LRBA: variants seen among roughly 807,000 people sequenced by gnomAD.
LRBA encodes the protein lipopolysaccharide-responsive and beige-like anchor protein.
A neutral mutation model predicts 330.0 loss-of-function variants in LRBA; 176 were observed. The observed-to-expected ratio is 0.53, with a 90% CI of 0.47 to 0.60. The LOEUF (loss-of-function observed/expected upper bound fraction) is 0.60. Ranked by LOEUF, LRBA falls within the 20% of genes least tolerant of loss-of-function variation. The probability of loss-of-function intolerance (pLI) is 0.00; values close to 1 mark genes in which losing one functional copy is unlikely to be tolerated. For synonymous variants in LRBA, 1,230 were observed against 1,193.0 expected (o/e 1.03, Z -0.64); for missense variants, 3,259 against 3,444.8 (o/e 0.95, Z 1.35).
intron 34 of LRBA, among the ~76,000 whole-genome samples, chr4:150,797,408 A>G (rs1740951459): frequency 6.6e-6 from 1 of 151,964 alleles, no homozygotes; most frequent in African/African-American, 2.4e-5. Flanking sequence ...ATCACTTTAA[A>G]AGACTACAAA....
chr4:150,441,811 A>G (rs1225827583), intron 44 of LRBA, among the ~76,000 whole-genome samples: 1 of 152,038 alleles, frequency 6.6e-6, no homozygotes, highest in East Asian at 1.9e-4. Context: ...TTGTATTACA[A>G]GTTGGTTTTC....
chr4:150,602,548 A>G (rs997494398), intron 37 of LRBA, among the ~76,000 whole-genome samples: 2 of 152,180 alleles, frequency 1.3e-5, no homozygotes. Flanking sequence ...CCAACAACAC[A>G]TACTCTCAGT....
intron 47 of LRBA, among the ~76,000 whole-genome samples, chr4:150,403,006 G>T (rs900309625): frequency 6.6e-6 from 1 of 152,026 alleles, no homozygotes; most frequent in Non-Finnish European, 1.5e-5. Flanking sequence ...AGAAATTTTC[G>T]TTTGAGATAC....
rs187991848 is a variant in LRBA, at chr4:150,857,930, A to C, written c.2767-4987T>G. Among the ~76,000 whole-genome samples, 400 of 152,328 alleles carry C rather than the reference A, an allele frequency of 2.6e-3. 1 individual carries two copies. The highest frequency in any genetic ancestry group is 0.014 in the Middle Eastern group (4 of 294). On this transcript the variant is annotated intron_variant, in intron 22 of 56. Coordinates refer to ENST00000651943, the MANE Select transcript of LRBA (RefSeq NM_001364905.1). The stretch of plus-strand genomic sequence containing the variant: ...AAATTCATGTAAGAAGCATATCATT[A>C]AATAATACTCTAAAATAGTAAAAAT...
At chr4:150,820,823 G>A (rs374527689) in intron 30 of LRBA, among the ~76,000 whole-genome samples, 1 of 152,082 alleles carries the variant, frequency 6.6e-6, no homozygotes, top group East Asian at 1.9e-4. Context: ...TTAACCTATC[G>A]TGTTTATGTT....
chr4:150,888,679 T>C lies in LRBA; in HGVS notation c.2165+4373A>G, dbSNP rs528354995. Among the ~76,000 whole-genome samples, 6 of 152,168 alleles carry C rather than the reference T, an allele frequency of 3.9e-5. 1 individual carries two copies. The South Asian group carries it at 1.2e-3, about 32-fold the overall frequency. On this transcript the variant is annotated intron_variant, in intron 17 of 56. Transcript: ENST00000651943. ...ACTCAAAATATAAATTTTGAGAATATTTTTAAAATTCAAATAAAAACAACA... is the reference window on the plus strand; with the variant it reads ...ACTCAAAATATAAATTTTGAGAATACTTTTAAAATTCAAATAAAAACAACA...
At chr4:150,742,143 T>TAA (rs1732075130) in intron 35 of LRBA, among the ~76,000 whole-genome samples, 1 of 32,670 alleles carries the variant, frequency 3.1e-5, no homozygotes, top group Non-Finnish European at 1.0e-4. Context: ...TTATTATTAT[T>TAA]ATTATTATTT....
At chr4:150,457,019 A>G (rs1277193078) in intron 44 of LRBA, among the ~76,000 whole-genome samples, 1 of 152,046 alleles carries the variant, frequency 6.6e-6, no homozygotes, top group Non-Finnish European at 1.5e-5. Flanking sequence ...TTTAAAGTAA[A>G]TAAGTTAATG....
chr4:150,732,140 A>G (rs1317386326), intron 36 of LRBA, among the ~76,000 whole-genome samples: 1 of 152,126 alleles, frequency 6.6e-6, no homozygotes, highest in Admixed American at 6.5e-5. Flanking sequence ...TTAACCTTCT[A>G]TTCTTTCAGA....
intron 36 of LRBA, among the ~76,000 whole-genome samples, chr4:150,686,879 A>G (rs1218435657): frequency 6.6e-6 from 1 of 152,150 alleles, no homozygotes; most frequent in Non-Finnish European, 1.5e-5. Context: ...AAGCTATTAA[A>G]GTTTGTTCTA....
intron 2 of LRBA, among the ~76,000 whole-genome samples, chr4:150,941,351 C>T (rs1735658645): frequency 6.6e-6 from 1 of 151,962 alleles, no homozygotes; most frequent in Admixed American, 6.6e-5. Flanking sequence ...CAGGGTTTCA[C>T]CATTTTGGCC....
intron 40 of LRBA, among the ~76,000 whole-genome samples, chr4:150,508,323 C>T (rs1189410038): frequency 6.6e-6 from 1 of 150,776 alleles, no homozygotes; most frequent in Non-Finnish European, 1.5e-5. Flanking sequence ...TGCTCTGTCA[C>T]CCAGGCTGGA....
At chr4:150,564,233 C>T (rs1184861906) in intron 40 of LRBA, among the ~76,000 whole-genome samples, 2 of 152,088 alleles carry the variant, frequency 1.3e-5, no homozygotes, top group African/African-American at 4.8e-5. Flanking sequence ...AATAACACCG[C>T]ACATCTACAA....
intron 47 of LRBA, among the ~76,000 whole-genome samples, chr4:150,390,758 T>C (rs1032400841): frequency 5.3e-5 from 8 of 152,132 alleles, no homozygotes. Context: ...TCTTGAGTGA[T>C]ACCAGGAGAG....
chr4:150,371,198 T>TTTTTTTTTTTTTG (rs1740252757), intron 47 of LRBA, among the ~76,000 whole-genome samples: 1 of 136,770 alleles, frequency 7.3e-6, no homozygotes, highest in African/African-American at 2.8e-5. Flanking sequence ...TTTTTTTTTT[T>TTTTTTTTTTTTTG]TTTTTTTTTT....
intron 41 of LRBA, among the ~76,000 whole-genome samples, chr4:150,489,524 A>AT (rs1329258988): frequency 9.5e-6 from 1 of 105,638 alleles, no homozygotes; most frequent in African/African-American, 4.0e-5. Flanking sequence ...AATATATAAG[A>AT]ATACATAATA....
intron 36 of LRBA, among the ~76,000 whole-genome samples, chr4:150,731,668 T>C (rs1730475435): frequency 6.6e-6 from 1 of 152,056 alleles, no homozygotes; most frequent in African/African-American, 2.4e-5. Flanking sequence ...AGAGAGACAG[T>C]AGAAGGATGG....
intron 2 of LRBA, among the ~76,000 whole-genome samples, chr4:150,931,267 A>G: frequency 6.6e-6 from 1 of 151,958 alleles, no homozygotes; most frequent in Admixed American, 6.6e-5. Context: ...TTACAATACC[A>G]TTAACCAATC....
At position 150,612,984 on chromosome 4, in the gene LRBA, G is replaced by C. The variant is rs911180076; in HGVS notation, c.5922-13853C>G. 3.9e-5 allele frequency among the ~76,000 whole-genome samples: 6 copies of C among 152,130 alleles called. No individual in the cohort carries two copies. In the East Asian group the frequency reaches 1.2e-3, roughly 29 times the overall value. ...ACACAAAGAAGACGATGACATTTTA[G>C]GCTTTTAGGAGATCTTAAGTAAAAG... On this transcript the variant is annotated intron_variant, in intron 37 of 56. Transcript: ENST00000651943.
Sources: gnomAD v4.1 joint callset for allele counts (sites outside exome capture counted in the v4.1 genomes callset) on GRCh38, gnomAD v4.1.1 for gene constraint, MANE v1.5 for transcripts, NCBI Gene and HGNC (gene_info 2026-07-23, HGNC 2026-07-21) for gene names.